GARNL3: variants seen among roughly 807,000 people sequenced by gnomAD.
GARNL3 encodes the protein GTPase-activating Rap/Ran-GAP domain-like protein 3.
Under a neutral mutation model 125.0 loss-of-function variants are expected in GARNL3, and 63 were observed. That is an observed-to-expected ratio of 0.50 (90% CI 0.41 to 0.62). The LOEUF (loss-of-function observed/expected upper bound fraction) is 0.62. Ranked by LOEUF, GARNL3 falls within the 20% of genes least tolerant of loss-of-function variation. GARNL3 has a pLI of 0.00. For synonymous variants in GARNL3, 439 were observed against 457.5 expected, an observed-to-expected ratio of 0.96 and a Z score of 0.52; for missense variants, 994 against 1,244.0, an observed-to-expected ratio of 0.80 and a Z score of 3.02.
intron 22 of GARNL3, chr9:127,367,107 T>A (rs1180318776): frequency 6.6e-6 from 1 of 152,204 alleles, no homozygotes; most frequent in Non-Finnish European, 1.5e-5. Context: ...GCTTTTGTTT[T>A]CCATATTTCT....
chr9:127,366,977 C>G (rs756935999), intron 22 of GARNL3: 1 of 152,154 alleles, frequency 6.6e-6, no homozygotes, highest in Non-Finnish European at 1.5e-5. Flanking sequence ...TCAGAAGTAT[C>G]TTTACATCTC....
rs1241375112 is a variant in GARNL3 at position 127,280,844 on chromosome 9, T to A, written c.145-10324T>A. Among the ~76,000 whole-genome samples, 1 of 152,156 alleles carries A rather than the reference T, an allele frequency of 6.6e-6. No homozygotes were observed. Among genetic ancestry groups the A allele is most frequent in the African/African-American group, 2.4e-5 (1 of 41,426 alleles). ...GTTTCTCAGTAAAATAGCAGAAAGG[T>A]CATCTGTTAGGAGAAAGGGTGTTTC... On this transcript the variant is annotated intron_variant, in intron 1 of 27. Transcript: ENST00000373387. The surrounding 1 kb of genome is among the most constrained non-coding windows in gnomAD (Gnocchi z 4.5).
chr9:127,225,451 G>T (rs1360636598), intron 1 of GARNL3: 13 of 778,762 alleles, frequency 1.7e-5, no homozygotes, highest in African/African-American at 5.7e-5. Context: ...CCGGCCACGT[G>T]GGGGGATGGC....
intron 22 of GARNL3, among the ~76,000 whole-genome samples, chr9:127,373,700 A>C (rs1831728689): frequency 6.6e-6 from 1 of 152,200 alleles, no homozygotes; most frequent in Non-Finnish European, 1.5e-5. Context: ...GTGAATGAAA[A>C]TATTGGCCAC....
chr9:127,306,588 G>A (rs1229297502), intron 2 of GARNL3, among the ~76,000 whole-genome samples: 3 of 152,252 alleles, frequency 2.0e-5, no homozygotes, highest in African/African-American at 7.2e-5. Flanking sequence ...TTAGCCGGGC[G>A]TGGTGGCAGG....
intron 7 of GARNL3, among the ~76,000 whole-genome samples, chr9:127,329,330 C>T (rs1055814564): frequency 1.3e-5 from 2 of 152,096 alleles, no homozygotes. Context: ...ATCAGGACAA[C>T]AGATAAAACA....
intron 7 of GARNL3, among the ~76,000 whole-genome samples, chr9:127,330,230 G>A (rs970586945): frequency 2.0e-5 from 3 of 152,216 alleles, no homozygotes; most frequent in Admixed American, 1.3e-4. Flanking sequence ...TCATATGTCA[G>A]ACCCCAAATT....
chr9:127,353,744 C>G lies in GARNL3; in HGVS notation c.1544-102C>G, dbSNP rs972422684. 4 of 789,416 alleles carry G rather than the reference C, an allele frequency of 5.1e-6. No individual in the cohort carries two copies. In the African/African-American group the frequency reaches 6.8e-5, roughly 13 times the overall value. 48.9% of individuals were successfully genotyped at this position (789,416 alleles called of 1,614,324 possible). ...CCTAGAAGCTGACTTCCTTCCTTGCCTAGAGATAACTTGGGTTCAAAACTA... is the reference window on the plus strand; with the variant it reads ...CCTAGAAGCTGACTTCCTTCCTTGCGTAGAGATAACTTGGGTTCAAAACTA... On this transcript the variant is annotated intron_variant, in intron 17 of 27. Coordinates refer to ENST00000373387, the MANE Select transcript of GARNL3 (RefSeq NM_032293.5).
chr9:127,251,566 T>C (rs1278793376), intron 2 of GARNL3, among the ~76,000 whole-genome samples: 1 of 152,206 alleles, frequency 6.6e-6, no homozygotes, highest in African/African-American at 2.4e-5. Flanking sequence ...AGAGCACAGA[T>C]AACATGGAGT....
chr9:127,383,817 T>C (rs1832400175), intron 23 of GARNL3, among the ~76,000 whole-genome samples: 1 of 152,224 alleles, frequency 6.6e-6, no homozygotes, highest in Non-Finnish European at 1.5e-5. Flanking sequence ...TACTTGGTTA[T>C]CATTTCAGCA....
chr9:127,350,570 C>T (rs533432099), intron 17 of GARNL3, among the ~76,000 whole-genome samples: 3 of 151,776 alleles, frequency 2.0e-5, no homozygotes, highest in Non-Finnish European at 2.9e-5. Flanking sequence ...ATCAGGTGTT[C>T]GAGACCAGCT....
intron 1 of GARNL3, among the ~76,000 whole-genome samples, chr9:127,231,050 A>ATATATATATTTT (rs1161629810): frequency 1.9e-4 from 17 of 89,548 alleles, no homozygotes; most frequent in African/African-American, 1.3e-3. Flanking sequence ...ATATATATAT[A>ATATATATATTTT]TTTTTTTTTT....
At chr9:127,387,116 C>T (rs1290507065) in intron 24 of GARNL3, 77 bp from the exon 25 acceptor site, 12 of 1,463,134 alleles carry the variant, frequency 8.2e-6, no homozygotes, top group Non-Finnish European at 1.0e-5. Flanking sequence ...GGAGGGTTTG[C>T]AGTGATGGCA....
intron 1 of GARNL3, among the ~76,000 whole-genome samples, chr9:127,272,713 G>T (rs767385021): frequency 6.6e-6 from 1 of 152,128 alleles, no homozygotes; most frequent in African/African-American, 2.4e-5. Context: ...TCCTGACCTC[G>T]TGATCCACCT....
chr9:127,228,713 A>G (rs1248799468), intron 1 of GARNL3, among the ~76,000 whole-genome samples: 2 of 152,058 alleles, frequency 1.3e-5, no homozygotes, highest in Non-Finnish European at 2.9e-5. Context: ...TACTTTTTTC[A>G]GTTTATTATT....
rs896207578 is a variant in GARNL3, at chr9:127,342,298, A to G, written c.1215A>G (p.Arg405=). ...KRRRTLDMLI[R]SLHQDLMPDL... ...GGCGTACCCTGGATATGTTGATTAG[A>G]TCTTTACACCAGGATTTGATGCCAG... The change falls in exon 14 of 28, where the codon AGA becomes AGG. Residue 405 remains arginine, a synonymous_variant. Coordinates refer to ENST00000373387, the MANE Select transcript of GARNL3 (RefSeq NM_032293.5). The G allele has an allele frequency of 6.2e-7, 1 of 1,613,568 alleles. No individual in the cohort carries two copies. Among genetic ancestry groups the G allele is most frequent in the African/African-American group, 1.3e-5 (1 of 75,020 alleles).
chr9:127,284,319 G>T (rs1271438528), intron 1 of GARNL3, among the ~76,000 whole-genome samples: 2 of 152,162 alleles, frequency 1.3e-5, no homozygotes, highest in African/African-American at 2.4e-5. Context: ...TAGAATGAAT[G>T]AATATAATTT....
chr9:127,232,545 G>C (rs2063037698), intron 1 of GARNL3, among the ~76,000 whole-genome samples: 1 of 152,182 alleles, frequency 6.6e-6, no homozygotes, highest in Non-Finnish European at 1.5e-5. Context: ...CTAGGCTCAA[G>C]TGATCCTTCC....
chr9:127,387,835 A>G (rs1233623586), intron 25 of GARNL3, among the ~76,000 whole-genome samples: 1 of 152,100 alleles, frequency 6.6e-6, no homozygotes, highest in South Asian at 2.1e-4. Context: ...AAACTCCATT[A>G]TAAAAATAAT....
Sources: allele counts gnomAD v4.1 joint callset (sites outside exome capture counted in the v4.1 genomes callset), GRCh38; gene constraint gnomAD v4.1.1; non-coding constraint Gnocchi (gnomAD v3.1); transcripts MANE v1.5; gene names NCBI Gene and HGNC (gene_info 2026-07-23, HGNC 2026-07-21).